ANK3: variants seen among roughly 807,000 people sequenced by gnomAD.
ANK3 encodes the protein ankyrin-3.
Under a neutral mutation model 370.9 loss-of-function variants are expected in ANK3, and 57 were observed. The observed-to-expected ratio is 0.15, with a 90% CI of 0.12 to 0.19. The LOEUF (loss-of-function observed/expected upper bound fraction) is 0.19. Ranked by LOEUF, ANK3 falls within the 10% of genes least tolerant of loss-of-function variation. The probability of loss-of-function intolerance (pLI) is 1.00; values close to 1 mark genes in which losing one functional copy is unlikely to be tolerated. For synonymous variants in ANK3, 1,929 were observed against 1,946.3 expected (o/e 0.99, Z 0.23); for missense variants, 4,439 against 5,302.1 (o/e 0.84, Z 5.06).
chr10:60,527,474 A>T (rs1243208490), intron 2 of ANK3, among the ~76,000 whole-genome samples: 1 of 152,162 alleles, frequency 6.6e-6, no homozygotes, highest in Admixed American at 6.6e-5. Flanking sequence ...ATACCACCAG[A>T]TAAGCCAACA....
Position 60,071,601 on chromosome 10 carries a change from C to T in ANK3, c.9280G>A (p.Val3094Ile), listed in dbSNP as rs769176550. Residue 3094 changes from valine to isoleucine, a missense_variant, in exon 37 of 44, where the codon GTT (valine) becomes ATT (isoleucine). Val to Ile is a conservative substitution (Grantham distance 29). Coordinates refer to ENST00000280772, the MANE Select transcript of ANK3 (RefSeq NM_020987.5). ...EGGKEIKTLPVYVSFVQVGKQ... is the reference protein window; with the variant it reads ...EGGKEIKTLPIYVSFVQVGKQ... ...CCCACTTGTACAAAACTGACATAAA[C>T]GGGTAAAGTTTTTATCTCTTTCCCT... The T allele has an allele frequency of 1.2e-5, 20 of 1,613,714 alleles. No homozygotes were observed. The African/African-American group carries it at 1.3e-4, about 11-fold the overall frequency.
chr10:60,273,628 T>G (rs1333425380), intron 4 of ANK3, among the ~76,000 whole-genome samples: 1 of 152,188 alleles, frequency 6.6e-6, no homozygotes, highest in African/African-American at 2.4e-5. Context: ...TTTAATTTTC[T>G]TAAGAGATAG....
intron 18 of ANK3, among the ~76,000 whole-genome samples, chr10:60,179,617 G>A (rs1406011646): frequency 1.3e-5 from 2 of 151,884 alleles, no homozygotes; most frequent in African/African-American, 4.8e-5. Flanking sequence ...GCTTGAATCC[G>A]GGAGGTGGAG....
At chr10:60,098,287 A>G (rs982454707) in intron 28 of ANK3, among the ~76,000 whole-genome samples, 2 of 152,236 alleles carry the variant, frequency 1.3e-5, no homozygotes, top group Non-Finnish European at 2.9e-5. Flanking sequence ...AAAATACACA[A>G]GTTATATTTT....
intron 7 of ANK3, among the ~76,000 whole-genome samples, chr10:60,243,696 T>A (rs1245280395): frequency 6.6e-6 from 1 of 152,226 alleles, no homozygotes; most frequent in Non-Finnish European, 1.5e-5. Context: ...AGATGTTATA[T>A]TATTTGTATT....
rs539132074 is a variant in ANK3 at position 60,086,932 on chromosome 10, T to C, written c.3541-48A>G. 1.0e-5 allele frequency: 14 copies of C among 1,375,160 alleles called. No homozygotes were observed. The Admixed American group carries it at 3.6e-4, about 36-fold the overall frequency. 85.2% of individuals were successfully genotyped at this position (1,375,160 alleles called of 1,614,324 possible). A position where few individuals can be genotyped will look rare whatever the true frequency, so the allele number is the denominator to read the frequency against. On this transcript the variant is annotated intron_variant, in intron 29 of 43. Transcript: ENST00000280772. ...AAATGAAAGTGACTTTTTTTTTTTT[T>C]TTTCCCAATCATGAAGTTTACTTTT...
intron 12 of ANK3, 103 bp downstream of exon 12, chr10:60,202,899 T>C (rs1388209492): frequency 2.7e-6 from 2 of 750,136 alleles, no homozygotes; most frequent in Non-Finnish European, 4.3e-6. Context: ...AGAGCGATAC[T>C]CCAACTCTTA....
chr10:60,116,676 T>G (rs1438073280), intron 25 of ANK3, among the ~76,000 whole-genome samples: 1 of 150,458 alleles, frequency 6.6e-6, no homozygotes, highest in Non-Finnish European at 1.5e-5. Context: ...TATAGAGAAA[T>G]TTTTAACTCT....
intron 2 of ANK3, among the ~76,000 whole-genome samples, chr10:60,428,264 G>A (rs904007471): frequency 8.5e-5 from 13 of 152,122 alleles, no homozygotes; most frequent in Non-Finnish European, 1.5e-5. Flanking sequence ...GACCAAGCAC[G>A]AGAATAACGC....
At chr10:60,206,009 C>G in intron 10 of ANK3, 119 bp from the exon 11 acceptor site, 1 of 707,360 alleles carries the variant, frequency 1.4e-6, no homozygotes, top group Non-Finnish European at 2.5e-6. Flanking sequence ...ACAGAAAGTA[C>G]CAGGGTTAAG....
At chr10:60,389,946 T>A, upstream of ANK3, 1 of 736,390 alleles carries the variant, frequency 1.4e-6, no homozygotes, top group Non-Finnish European at 1.7e-6. Context: ...TCACCACACA[T>A]GCAGAAGCAA....
At chr10:60,369,344 A>G (rs1367677048) in intron 1 of ANK3, among the ~76,000 whole-genome samples, 1 of 152,194 alleles carries the variant, frequency 6.6e-6, no homozygotes, top group East Asian at 1.9e-4. Flanking sequence ...CGAGAATGCA[A>G]CTAGAAGCTC....
Position 60,073,366 on chromosome 10 carries a change from T to A in ANK3, c.7515A>T (p.Lys2505Asn), listed in dbSNP as rs773013509. The change falls in exon 37 of 44, where the codon AAA becomes AAT. Residue 2505 changes from lysine to asparagine, a missense_variant. By Grantham distance (94) the Lys-to-Asn change is moderately conservative (BLOSUM62 0). Transcript: ENST00000280772. ...TTTCTTTTTTGGGGGCAGTGGCTAT[T>A]TTTTCTCTGGACCGCTTATCAGACC... Reference protein sequence around the residue: ...LQGSDKRSREKIATAPKKEIL... With the variant: ...LQGSDKRSRENIATAPKKEIL... 8 of 1,613,734 alleles carry A rather than the reference T, an allele frequency of 5.0e-6. No individual in the cohort carries two copies. The East Asian group carries it at 1.8e-4, about 36-fold the overall frequency.
upstream of ANK3, among the ~76,000 whole-genome samples, chr10:60,392,534 C>T (rs557420489): frequency 6.6e-6 from 1 of 152,318 alleles, no homozygotes; most frequent in Non-Finnish European, 1.5e-5. Flanking sequence ...CCCTCTACAG[C>T]AACTTCTCCA....
chr10:60,336,331 T>C (rs939224185), intron 1 of ANK3, among the ~76,000 whole-genome samples: 3 of 152,064 alleles, frequency 2.0e-5, no homozygotes, highest in Non-Finnish European at 4.4e-5. Context: ...AGGGAAGAGA[T>C]GAAAACCCAG....
At chr10:60,685,924 A>T (rs2079261540) in intron 1 of ANK3, among the ~76,000 whole-genome samples, 1 of 152,234 alleles carries the variant, frequency 6.6e-6, no homozygotes, top group South Asian at 2.1e-4. Flanking sequence ...AACAAAAAAT[A>T]CAGAACAAAA....
In ANK3 at chr10:60,029,134, C is replaced by T. The variant is rs746630902; in HGVS notation, c.*712G>A. 1.3e-5 allele frequency: 2 copies of T among 152,052 alleles called. No homozygotes were observed. Among genetic ancestry groups the T allele is most frequent in the Non-Finnish European group, 2.9e-5 (2 of 67,948 alleles). 9.4% of individuals were successfully genotyped at this position (152,052 alleles called of 1,614,324 possible). ...TTAAAGATTTGTTTTTTTTTAAAAT[C>T]AAGCTAGCAGTTTTGCATATACAAA... On this transcript the variant is annotated 3_prime_UTR_variant, in exon 44 of 44. Transcript: ENST00000280772.
chr10:60,277,459 G>A (rs778459582), intron 4 of ANK3, among the ~76,000 whole-genome samples: 1 of 152,110 alleles, frequency 6.6e-6, no homozygotes. Flanking sequence ...TAAACCAAGT[G>A]TTATTTTTCC....
At chr10:60,282,504 T>C (rs1593011261) in intron 1 of ANK3, among the ~76,000 whole-genome samples, 1 of 151,996 alleles carries the variant, frequency 6.6e-6, no homozygotes, top group Non-Finnish European at 1.5e-5. Context: ...CCTTCAACAA[T>C]TGCACACACA....
Sources: allele counts gnomAD v4.1 joint callset (sites outside exome capture counted in the v4.1 genomes callset), GRCh38; gene constraint gnomAD v4.1.1; transcripts MANE v1.5; gene names NCBI Gene and HGNC (gene_info 2026-07-23, HGNC 2026-07-21).